CEP63: variants seen among roughly 807,000 people sequenced by gnomAD.
CEP63 encodes the protein centrosomal protein 63.
Under a neutral mutation model 89.1 loss-of-function variants are expected in CEP63, and 84 were observed. The observed-to-expected ratio is 0.94, with a 90% CI of 0.79 to 1.13. The LOEUF (loss-of-function observed/expected upper bound fraction) is 1.13, where lower values mean the gene tolerates loss of function less well. Among genes scored for constraint, CEP63 ranks in the 50% most tolerant of loss-of-function variants. CEP63 has a pLI of 0.00. For synonymous variants in CEP63, 267 were observed against 272.5 expected (o/e 0.98, Z 0.20); for missense variants, 838 against 813.3 (o/e 1.03, Z -0.37).
the CEP63 span, among the ~76,000 whole-genome samples, chr3:134,766,630 C>G: frequency 6.6e-6 from 1 of 152,342 alleles, no homozygotes; most frequent in East Asian, 1.9e-4. Context: ...AACATAGGAA[C>G]TGGAGAAGCA....
the CEP63 span, among the ~76,000 whole-genome samples, chr3:134,631,900 G>C: frequency 5.3e-5 from 8 of 152,012 alleles, no homozygotes; most frequent in East Asian, 1.3e-3. Context: ...TTTCAGAAAG[G>C]GTGAATACAT....
intron 10 of CEP63, among the ~76,000 whole-genome samples, chr3:134,585,343 C>G (rs1191765289): frequency 6.6e-6 from 1 of 152,122 alleles, no homozygotes; most frequent in African/African-American, 2.4e-5. Flanking sequence ...AAATTTCCCT[C>G]TACACACTGC....
chr3:134,578,421 C>T (rs1177062188), downstream of CEP63, among the ~76,000 whole-genome samples: 1 of 149,872 alleles, frequency 6.7e-6, no homozygotes, highest in African/African-American at 2.5e-5. Flanking sequence ...ACCTCTGCCT[C>T]CTGGGTTCAG....
chr3:134,608,856 C>A, the CEP63 span: 2 of 1,596,746 alleles, frequency 1.3e-6, no homozygotes, highest in South Asian at 2.3e-5. Context: ...CAGAGACAAG[C>A]TGGTTAGCAG....
At chr3:134,554,334 T>C (rs1955628286) in intron 12 of CEP63, among the ~76,000 whole-genome samples, 1 of 150,088 alleles carries the variant, frequency 6.7e-6, no homozygotes, top group South Asian at 2.1e-4. Flanking sequence ...ATATGCAGTG[T>C]TTGGTTTTTT....
At chr3:134,614,547 A>C in the CEP63 span, among the ~76,000 whole-genome samples, 1 of 151,862 alleles carries the variant, frequency 6.6e-6, no homozygotes, top group Non-Finnish European at 1.5e-5. Flanking sequence ...TGGCCACCAA[A>C]TGTGGCCTGA....
At chr3:134,729,913 G>T in the CEP63 span, among the ~76,000 whole-genome samples, 2 of 152,160 alleles carry the variant, frequency 1.3e-5, no homozygotes, top group Non-Finnish European at 2.9e-5. Context: ...TGGCAACAGT[G>T]CCCTCATTCC....
the CEP63 span, chr3:134,610,608 G>A: frequency 3.2e-5 from 16 of 495,692 alleles, no homozygotes; most frequent in East Asian, 4.7e-4. Context: ...CAGACTGGCT[G>A]CAGTCTCCGC....
At chr3:134,746,712 C>A in the CEP63 span, among the ~76,000 whole-genome samples, 1 of 152,204 alleles carries the variant, frequency 6.6e-6, no homozygotes, top group Non-Finnish European at 1.5e-5. Flanking sequence ...CTGTTGGCTG[C>A]ATAAATGTCT....
At chr3:134,625,767 A>G in the CEP63 span, among the ~76,000 whole-genome samples, 4 of 152,242 alleles carry the variant, frequency 2.6e-5, no homozygotes, top group African/African-American at 9.6e-5. Flanking sequence ...GCGTTCTGGT[A>G]ACAGGGCCCT....
At chr3:134,527,583 A>T (rs558444116) in intron 3 of CEP63, among the ~76,000 whole-genome samples, 1 of 152,324 alleles carries the variant, frequency 6.6e-6, no homozygotes, top group South Asian at 2.1e-4. Flanking sequence ...ACCTGCCGGC[A>T]TAGGCACATG....
chr3:134,665,652 G>GACACAC, the CEP63 span, among the ~76,000 whole-genome samples: 63 of 95,816 alleles, frequency 6.6e-4, 1 homozygote, highest in African/African-American at 8.2e-4. Flanking sequence ...GGAAACAGAG[G>GACACAC]ACACACACAC....
chr3:134,617,633 A>G, the CEP63 span, among the ~76,000 whole-genome samples: 1 of 152,244 alleles, frequency 6.6e-6, no homozygotes, highest in African/African-American at 2.4e-5. Flanking sequence ...TTTATAAACC[A>G]TCTACAATGA....
At chr3:134,561,107 T>C (rs754997705) in intron 14 of CEP63, among the ~76,000 whole-genome samples, 4 of 152,248 alleles carry the variant, frequency 2.6e-5, no homozygotes, top group Admixed American at 1.3e-4. Flanking sequence ...TAAGTCTAAA[T>C]TGAAACATTC....
chr3:134,577,658 G>T (rs1018639304), downstream of CEP63, among the ~76,000 whole-genome samples: 2 of 151,652 alleles, frequency 1.3e-5, no homozygotes, highest in African/African-American at 2.4e-5. Flanking sequence ...GAATGTGCAG[G>T]TTTGTTACAC....
the CEP63 span, among the ~76,000 whole-genome samples, chr3:134,682,720 T>A: frequency 6.6e-6 from 1 of 152,214 alleles, no homozygotes; most frequent in African/African-American, 2.4e-5. Context: ...CCATGCTTAC[T>A]CCATGCTCGG....
chr3:134,660,899 G>T, the CEP63 span, among the ~76,000 whole-genome samples: 2 of 152,176 alleles, frequency 1.3e-5, no homozygotes, highest in Non-Finnish European at 2.9e-5. Flanking sequence ...GGGCAAGTAA[G>T]TCCTCAGCCC....
the CEP63 span, among the ~76,000 whole-genome samples, chr3:134,709,144 AC>A: frequency 6.6e-6 from 1 of 152,130 alleles, no homozygotes; most frequent in African/African-American, 2.4e-5. Context: ...TCATTTTGGC[AC>A]CAGATGATAG....
intron 10 of CEP63, among the ~76,000 whole-genome samples, chr3:134,583,488 G>A (rs1362818178): frequency 1.3e-5 from 2 of 152,058 alleles, no homozygotes; most frequent in South Asian, 2.1e-4. Flanking sequence ...TCAGATAGTT[G>A]TAGATGTGTG....
Sources: gnomAD v4.1 joint callset for allele counts (sites outside exome capture counted in the v4.1 genomes callset) on GRCh38, gnomAD v4.1.1 for gene constraint, MANE v1.5 for transcripts, NCBI Gene and HGNC (gene_info 2026-07-23, HGNC 2026-07-21) for gene names.